Variants in FAM178B observed in about 807,000 individuals in gnomAD.
FAM178B encodes the protein protein FAM178B.
In FAM178B, 82 loss-of-function variants were observed where a neutral mutation model predicts 91.7. The ratio of observed to expected loss-of-function variants is 0.89; its 90% CI spans 0.75 to 1.07. FAM178B has a LOEUF of 1.07. Ranked by LOEUF, FAM178B falls within the 50% of genes least tolerant of loss-of-function variation. The pLI is 0.00. For missense variants in FAM178B, 769 were observed against 846.7 expected (o/e 0.91, Z 1.14); for synonymous variants, 368 against 359.4 (o/e 1.02, Z -0.27).
chr2:96,947,797 A>G, intron 8 of FAM178B, 21 bp downstream of exon 8: 2 of 1,431,854 alleles, frequency 1.4e-6, no homozygotes, highest in Non-Finnish European at 1.9e-6. Context: ...GCCAATCTCC[A>G]CCCTGCATCC....
intron 13 of FAM178B, chr2:96,895,046 C>A: frequency 7.8e-7 from 1 of 1,288,508 alleles, no homozygotes; most frequent in Non-Finnish European, 1.0e-6. Context: ...GACTAAGTCC[C>A]CAACAGTCCA....
At chr2:96,956,878 G>A (rs2082006745) in intron 6 of FAM178B, 1 of 152,264 alleles carries the variant, frequency 6.6e-6, no homozygotes, top group South Asian at 2.1e-4. Context: ...TATTTTTTGA[G>A]ACAGGGTCTC....
intron 8 of FAM178B, among the ~76,000 whole-genome samples, chr2:96,938,487 C>T (rs939385118): frequency 6.6e-6 from 1 of 152,172 alleles, no homozygotes; most frequent in Non-Finnish European, 1.5e-5. Context: ...GCTGGAGGAC[C>T]AGAGAGCACA....
chr2:96,893,811 C>T (rs965084991), intron 14 of FAM178B, 115 bp downstream of exon 14: 30 of 1,314,182 alleles, frequency 2.3e-5, no homozygotes, highest in Non-Finnish European at 3.0e-5. Context: ...CCTGGCATGG[C>T]CCTGGGGTTC....
At position 96,878,049 on chromosome 2, in the gene FAM178B, A is replaced by G. The variant is rs1257544309; in HGVS notation, c.1855-7T>C. On this transcript the variant is annotated splice_region_variant and splice_polypyrimidine_tract_variant and intron_variant, in intron 15 of 16. Coordinates refer to ENST00000490605, the MANE Select transcript of FAM178B (RefSeq NM_001122646.3). ...ACAGCAGCTGCAGCTCGCCCTGTGGAGGCGGAGGGAGGCCAAGAAGCGGGT... is the reference window on the plus strand; with the variant it reads ...ACAGCAGCTGCAGCTCGCCCTGTGGGGGCGGAGGGAGGCCAAGAAGCGGGT... 1.9e-6 allele frequency: 3 copies of G among 1,606,132 alleles called. No homozygotes were observed. In the Admixed American group the frequency reaches 5.0e-5, roughly 27 times the overall value.
chr2:96,893,160 T>G (rs1344867856), intron 14 of FAM178B, among the ~76,000 whole-genome samples: 1 of 152,156 alleles, frequency 6.6e-6, no homozygotes, highest in South Asian at 2.1e-4. Flanking sequence ...TCTTCCCCAA[T>G]TATAACGATC....
intron 1 of FAM178B, among the ~76,000 whole-genome samples, chr2:96,977,656 C>G (rs1277367766): frequency 6.6e-6 from 1 of 151,950 alleles, no homozygotes; most frequent in African/African-American, 2.4e-5. Flanking sequence ...ACTGCTGATG[C>G]ACCAAGAAGA....
rs574103702 is a variant in FAM178B at position 96,929,439 on chromosome 2, G to A, written c.1079-119C>T. ...AAGATAACCAGTTTTTGCCTTCTCT[G>A]ACACCACAGGTGTTATCTGGGGAAA... is the stretch of plus-strand genomic sequence containing the variant. On this transcript the variant is annotated intron_variant, in intron 8 of 16. Coordinates refer to ENST00000490605, the MANE Select transcript of FAM178B (RefSeq NM_001122646.3). 1.1e-4 allele frequency: 76 copies of A among 698,896 alleles called. No homozygotes were observed. The African/African-American group carries it at 1.3e-3, about 12-fold the overall frequency. 43.3% of individuals were successfully genotyped at this position (698,896 alleles called of 1,614,324 possible).
At chr2:96,943,934 G>A (rs538624417) in intron 8 of FAM178B, among the ~76,000 whole-genome samples, 1 of 152,076 alleles carries the variant, frequency 6.6e-6, no homozygotes, top group Non-Finnish European at 1.5e-5. Context: ...TTACCAACAG[G>A]ACATCTCACA....
intron 14 of FAM178B, among the ~76,000 whole-genome samples, chr2:96,890,642 A>AG (rs2080655170): frequency 1.3e-5 from 2 of 152,216 alleles, no homozygotes; most frequent in Non-Finnish European, 2.9e-5. Context: ...TTGGAGAGAC[A>AG]GTGGCAAATT....
In FAM178B at chr2:96,971,928, G is replaced by T; in HGVS notation, c.537C>A (p.Gly179=). ...LPEKLFWNTS[G]LSQQAAAPEF... ...CTGGGGCCGCAGCCTGCTGGCTCAGGCCTGACGTGTTCCAGAACAGCTTCT... is the reference window on the plus strand; with the variant it reads ...CTGGGGCCGCAGCCTGCTGGCTCAGTCCTGACGTGTTCCAGAACAGCTTCT... Residue 179 remains glycine (G), a synonymous_variant, in exon 3 of 17, where the codon GGC becomes GGA. Transcript: ENST00000490605. 1 of 1,527,100 alleles carries T rather than the reference G, an allele frequency of 6.5e-7. No homozygotes were observed. The highest frequency in any genetic ancestry group is 8.8e-7 in the Non-Finnish European group (1 of 1,135,806). The allele number at this position is 1,527,100 out of a possible 1,614,324, so 94.6% of individuals were successfully genotyped here.
intron 1 of FAM178B, among the ~76,000 whole-genome samples, chr2:96,977,501 T>C (rs2082307172): frequency 6.6e-6 from 1 of 151,222 alleles, no homozygotes; most frequent in South Asian, 2.1e-4. Flanking sequence ...AAAATTGCTC[T>C]TTAAACAAAC....
intron 5 of FAM178B, among the ~76,000 whole-genome samples, chr2:96,966,887 G>C (rs2082150414): frequency 6.6e-6 from 1 of 152,150 alleles, no homozygotes; most frequent in South Asian, 2.1e-4. Flanking sequence ...CGACCCTGCT[G>C]GCTCCCGGGT....
rs770695130 is a variant in FAM178B at position 96,921,585 on chromosome 2, G to C, written c.1357C>G (p.Leu453Val). The change falls in exon 11 of 17, where the codon CTG becomes GTG. Residue 453 changes from leucine to valine, a missense_variant. Coordinates refer to ENST00000490605, the MANE Select transcript of FAM178B (RefSeq NM_001122646.3). The stretch of plus-strand genomic sequence containing the variant: ...ACGTCCAGGCTGGTGCGGCACAGCA[G>C]CTCAATCAGTCCCATGAGGTTCTCA... The part of the protein sequence containing the change: ...TDENLMGLIE[L>V]LCRTSLDVGL... The C allele has an allele frequency of 5.2e-6, 8 of 1,551,588 alleles. No individual in the cohort carries two copies. Among genetic ancestry groups the C allele is most frequent in the Non-Finnish European group, 5.2e-6 (6 of 1,146,990 alleles).
At chr2:96,878,844 G>T (rs1301823117) in intron 14 of FAM178B, among the ~76,000 whole-genome samples, 1 of 152,240 alleles carries the variant, frequency 6.6e-6, no homozygotes, top group Non-Finnish European at 1.5e-5. Flanking sequence ...GGGGAGAGGG[G>T]CCTATCCACT....
Position 96,967,073 on chromosome 2 carries a change from AAGCCAGCCCTCCCTCC to A in FAM178B, c.734+431_734+446del, listed in dbSNP as rs2082152256. The stretch of plus-strand genomic sequence containing the variant: ...TCTCTGATGCTCCGAAGTAGAGATG[AAGCCAGCCCTCCCTCC>A]AGCCAATGGCCCAATTAAATCAGGG... On this transcript the variant is annotated intron_variant, in intron 5 of 16. Transcript: ENST00000490605. Among the ~76,000 whole-genome samples the A allele has an allele frequency of 3.3e-5, 5 of 152,142 alleles. 1 individual carries two copies. In the South Asian group the frequency reaches 1.0e-3, roughly 32 times the overall value.
At position 96,877,663 on chromosome 2, in the gene FAM178B, G is replaced by A. The variant is rs545173660; in HGVS notation, c.2007+227C>T. ...GCCCGCCTCAGTCTCCCAAAGTGCT[G>A]GGATTACAGGCGTGAGCTACCACGC... On this transcript the variant is annotated intron_variant, in intron 16 of 16. Transcript: ENST00000490605. 1.0e-4 allele frequency: 55 copies of A among 542,590 alleles called. No individual in the cohort carries two copies. In the East Asian group the frequency reaches 1.7e-3, roughly 16 times the overall value. 33.6% of individuals were successfully genotyped at this position (542,590 alleles called of 1,614,324 possible). A position where few individuals can be genotyped will look rare whatever the true frequency, so the allele number is the denominator to read the frequency against.
chr2:96,961,157 G>C (rs1442054054), intron 5 of FAM178B, among the ~76,000 whole-genome samples: 2 of 152,234 alleles, frequency 1.3e-5, no homozygotes, highest in African/African-American at 2.4e-5. Flanking sequence ...CAGTATCGGA[G>C]AGAGGTGAAA....
intron 1 of FAM178B, chr2:96,977,950 C>CGGGGGAGGGGGG: frequency 4.4e-6 from 1 of 229,318 alleles, no homozygotes; most frequent in South Asian, 3.4e-5. Flanking sequence ...GTGGGGCGGG[C>CGGGGGAGGGGGG]GGGGGAGGGG....
Sources: allele counts gnomAD v4.1 joint callset (sites outside exome capture counted in the v4.1 genomes callset), GRCh38; gene constraint gnomAD v4.1.1; transcripts MANE v1.5; gene names NCBI Gene and HGNC (gene_info 2026-07-23, HGNC 2026-07-21).